The following CNBD1 variants were observed in gnomAD, a reference collection of about 807,000 sequenced individuals.
CNBD1 encodes the protein cyclic nucleotide binding domain containing 1.
CNBD1 carries 71 observed loss-of-function variants against 54.4 expected under a neutral mutation model. The ratio of observed to expected loss-of-function variants is 1.30; its 90% confidence interval spans 1.08 to 1.59. CNBD1 has a LOEUF of 1.59. CNBD1 is among the 40% of genes most tolerant of loss of function. The probability of loss-of-function intolerance (pLI) is 0.00; values close to 1 mark genes in which losing one functional copy is unlikely to be tolerated. For synonymous variants in CNBD1, 182 were observed against 170.7 expected (o/e 1.07, Z -0.51); for missense variants, 659 against 518.0 (o/e 1.27, Z -2.64).
chr8:87,216,822 A>T (rs2130805628), intron 5 of CNBD1, among the ~76,000 whole-genome samples: 1 of 152,340 alleles, frequency 6.6e-6, no homozygotes, highest in East Asian at 1.9e-4. Flanking sequence ...GTTTGTTAAC[A>T]TGTATCATCA....
At chr8:87,294,957 A>T (rs1808853889) in intron 8 of CNBD1, among the ~76,000 whole-genome samples, 2 of 151,094 alleles carry the variant, frequency 1.3e-5, no homozygotes, top group Middle Eastern at 3.6e-3. Flanking sequence ...TTCTGTGACA[A>T]TTTTTTTTTA....
chr8:87,404,401 A>G (rs1807619801), intron 2 of CNBD1, among the ~76,000 whole-genome samples: 1 of 152,126 alleles, frequency 6.6e-6, no homozygotes, highest in African/African-American at 2.4e-5. Context: ...AAGTGGCAAT[A>G]TCCTGACCTT....
intron 8 of CNBD1, among the ~76,000 whole-genome samples, chr8:87,330,321 A>G (rs1352487395): frequency 2.3e-5 from 3 of 132,996 alleles, no homozygotes; most frequent in Non-Finnish European, 3.3e-5. Context: ...GATTTTCTCT[A>G]TTGATTTTCT....
At chr8:87,084,240 A>C (rs936045296) in intron 4 of CNBD1, among the ~76,000 whole-genome samples, 1 of 152,186 alleles carries the variant, frequency 6.6e-6, no homozygotes, top group Admixed American at 6.5e-5. Context: ...AAAAAGTTTT[A>C]AAATCTGTAT....
Position 87,281,910 on chromosome 8 carries a change from G to T in CNBD1, c.772-2768G>T, listed in dbSNP as rs866357718. ...ATTTTCTGTCTCCTACTGAGATTGA[G>T]CAGGTTTCTTTTGTGTGTGAGTCAT... On this transcript the variant is annotated intron_variant, in intron 6 of 10. Transcript: ENST00000518476. Among the ~76,000 whole-genome samples, 7 of 151,464 alleles carry T rather than the reference G, an allele frequency of 4.6e-5. No homozygotes were observed. In the South Asian group the frequency reaches 1.5e-3, roughly 31 times the overall value.
intron 6 of CNBD1, among the ~76,000 whole-genome samples, chr8:87,274,533 A>AT (rs975426574): frequency 1.7e-4 from 25 of 148,378 alleles, no homozygotes; most frequent in African/African-American, 6.4e-4. Context: ...GATGGTGAGC[A>AT]TTTTTTCTTG....
At chr8:87,151,935 T>C (rs574800115) in intron 4 of CNBD1, among the ~76,000 whole-genome samples, 1 of 152,248 alleles carries the variant, frequency 6.6e-6, no homozygotes, top group South Asian at 2.1e-4. Context: ...TTTAGCTTCT[T>C]ATATAACTTA....
intron 8 of CNBD1, among the ~76,000 whole-genome samples, chr8:87,293,789 G>T (rs1397107892): frequency 6.6e-6 from 1 of 152,172 alleles, no homozygotes; most frequent in Non-Finnish European, 1.5e-5. Flanking sequence ...GAATAGGAGA[G>T]AGGATTTTTT....
Position 87,293,372 on chromosome 8 carries a change from C to T in CNBD1, c.1042+6701C>T, listed in dbSNP as rs181658415. Among the ~76,000 whole-genome samples, 19 of 152,108 alleles carry T rather than the reference C, an allele frequency of 1.2e-4. No homozygotes were observed. In the South Asian group the frequency reaches 3.5e-3, roughly 28 times the overall value. On this transcript the variant is annotated intron_variant, in intron 8 of 10. Transcript: ENST00000518476. ...CAGCCTGGACAACATGATGAAACCACGTCTCTGCTAAAAGAACAAAAATTA... is the reference window on the plus strand; with the variant it reads ...CAGCCTGGACAACATGATGAAACCATGTCTCTGCTAAAAGAACAAAAATTA...
chr8:87,135,044 T>A (rs534010654), intron 4 of CNBD1, among the ~76,000 whole-genome samples: 65 of 152,284 alleles, frequency 4.3e-4, no homozygotes, highest in African/African-American at 1.5e-3. Flanking sequence ...TATACTTTCC[T>A]AAAAATGTAT....
chr8:86,888,776 A>G (rs552359141), intron 2 of CNBD1, among the ~76,000 whole-genome samples: 1 of 152,308 alleles, frequency 6.6e-6, no homozygotes, highest in Admixed American at 6.5e-5. Context: ...TGAGATGCTA[A>G]TCAAGGCTTT....
intron 4 of CNBD1, among the ~76,000 whole-genome samples, chr8:87,056,267 C>T (rs191144774): frequency 3.6e-4 from 55 of 152,182 alleles, no homozygotes; most frequent in African/African-American, 9.6e-4. Context: ...GTCATGTGGC[C>T]CCATATCAGG....
rs747850277 is a variant in CNBD1, at chr8:87,357,830, G to A, written c.1303+4044G>A. On this transcript the variant is annotated intron_variant, in intron 10 of 10. Coordinates refer to ENST00000518476, the MANE Select transcript of CNBD1 (RefSeq NM_173538.3). ...GGATGTCTGTCCCCTCCAAATCTCA[G>A]GTTGAAGGGTGATCCTCATTGTTAG... Among the ~76,000 whole-genome samples the A allele has an allele frequency of 3.3e-5, 5 of 152,146 alleles. No individual in the cohort carries two copies. The South Asian group carries it at 8.3e-4, about 25-fold the overall frequency.
intron 8 of CNBD1, among the ~76,000 whole-genome samples, chr8:87,337,614 G>A (rs1009430774): frequency 3.3e-5 from 5 of 152,232 alleles, no homozygotes; most frequent in Admixed American, 2.6e-4. Context: ...GCTTTTGAGT[G>A]TGATCTTCCA....
intron 6 of CNBD1, among the ~76,000 whole-genome samples, chr8:87,265,492 T>C (rs1297760208): frequency 6.6e-6 from 1 of 152,160 alleles, no homozygotes; most frequent in African/African-American, 2.4e-5. Context: ...GGGCTGTTTT[T>C]TGCTTAAATG....
intron 10 of CNBD1, among the ~76,000 whole-genome samples, chr8:87,372,682 C>G (rs1452832245): frequency 6.6e-6 from 1 of 151,782 alleles, no homozygotes; most frequent in Non-Finnish European, 1.5e-5. Context: ...GGCCTCTTTT[C>G]TGATGCTCTT....
intron 4 of CNBD1, among the ~76,000 whole-genome samples, chr8:86,971,132 C>T (rs1586171851): frequency 6.6e-6 from 1 of 152,104 alleles, no homozygotes; most frequent in African/African-American, 2.4e-5. Flanking sequence ...TGAGACTGGG[C>T]AACTTATAAA....
chr8:86,991,523 T>A (rs1294064503), intron 4 of CNBD1, among the ~76,000 whole-genome samples: 1 of 152,148 alleles, frequency 6.6e-6, no homozygotes, highest in Non-Finnish European at 1.5e-5. Context: ...TCAGTTCTTT[T>A]CCAGTTTTAG....
chr8:87,410,595 T>G (rs368352115), intron 2 of CNBD1, among the ~76,000 whole-genome samples: 56 of 152,268 alleles, frequency 3.7e-4, no homozygotes, highest in African/African-American at 1.0e-3. Context: ...ACAAAAAATT[T>G]AGAATATTAC....
Sources: gnomAD v4.1 joint callset for allele counts (sites outside exome capture counted in the v4.1 genomes callset) on GRCh38, gnomAD v4.1.1 for gene constraint, MANE v1.5 for transcripts, NCBI Gene and HGNC (gene_info 2026-07-23, HGNC 2026-07-21) for gene names.